Variants in NXPH4 observed in about 807,000 individuals in gnomAD.
NXPH4 encodes neurexophilin-4.
In NXPH4, 8 loss-of-function variants were observed where a neutral mutation model predicts 21.3. The observed-to-expected ratio is 0.38, with a 90% confidence interval of 0.22 to 0.68. NXPH4 has a LOEUF of 0.68. NXPH4 is among the 30% of genes least tolerant of loss of function. NXPH4 has a pLI of 0.53. For synonymous variants in NXPH4, 219 were observed against 192.6 expected (o/e 1.14, Z -1.13); for missense variants, 418 against 416.8 (o/e 1.00, Z -0.03).
chr12:57,220,623 G>A (rs111568571), intron 1 of NXPH4, among the ~76,000 whole-genome samples: 12 of 152,230 alleles, frequency 7.9e-5, no homozygotes, highest in African/African-American at 2.9e-4. Context: ...TGCAGTGGTA[G>A]GGTCTGGAAA....
chr12:57,225,618 C>A lies in NXPH4; in HGVS notation c.798C>A (p.Ala266=). The A allele has an allele frequency of 6.2e-7, 1 of 1,613,596 alleles. No individual in the cohort carries two copies. The highest frequency in any genetic ancestry group is 8.5e-7 in the Non-Finnish European group (1 of 1,179,954). Residue 266 remains alanine (A), a synonymous_variant, in exon 2 of 2, where the codon GCC becomes GCA. Transcript: ENST00000349394. ...VCFTEHTQSQ[A]AWLCAKPFKV... ...TCACCGAGCACACGCAGAGCCAGGCCGCCTGGCTCTGTGCCAAGCCCTTCA... is the reference window on the plus strand; with the variant it reads ...TCACCGAGCACACGCAGAGCCAGGCAGCCTGGCTCTGTGCCAAGCCCTTCA...
intron 1 of NXPH4, among the ~76,000 whole-genome samples, chr12:57,219,717 G>C (rs2037072319): frequency 8.0e-6 from 1 of 124,882 alleles, no homozygotes; most frequent in Admixed American, 8.0e-5. Flanking sequence ...GGCCGCAGCT[G>C]GGCCAGGGGG....
Position 57,225,969 on chromosome 12 carries a change from T to G in NXPH4, c.*222T>G. The stretch of plus-strand genomic sequence containing the variant: ...TAGCCCCCTCCAGTACACCCCAAAG[T>G]GAAAGGGATAAGAGTGCAGCCCCAG... On this transcript the variant is annotated 3_prime_UTR_variant, in exon 2 of 2. Transcript: ENST00000349394. 2 of 1,415,866 alleles carry G rather than the reference T, an allele frequency of 1.4e-6. No individual in the cohort carries two copies. The highest frequency in any genetic ancestry group is 1.8e-6 in the Non-Finnish European group (2 of 1,084,260). The allele number at this position is 1,415,866 out of a possible 1,614,324, so 87.7% of individuals were successfully genotyped here.
chr12:57,221,776 CA>C (rs1226028000), intron 1 of NXPH4, among the ~76,000 whole-genome samples: 1 of 152,196 alleles, frequency 6.6e-6, no homozygotes, highest in Non-Finnish European at 1.5e-5. Context: ...ATCCTGCTCC[CA>C]CCCTCAGCCA....
chr12:57,217,281 G>A (rs992991677), intron 1 of NXPH4, among the ~76,000 whole-genome samples: 1 of 152,216 alleles, frequency 6.6e-6, no homozygotes, highest in Non-Finnish European at 1.5e-5. Flanking sequence ...CGGGGGAGGG[G>A]ACGAAGCCCG....
chr12:57,223,280 G>T (rs181566525), intron 1 of NXPH4, among the ~76,000 whole-genome samples: 23 of 152,024 alleles, frequency 1.5e-4, no homozygotes, highest in African/African-American at 5.1e-4. Flanking sequence ...CCCTCAGACC[G>T]CTATACACAG....
At position 57,226,115 on chromosome 12, in the gene NXPH4, A is replaced by C. The variant is rs1592676319; in HGVS notation, c.*368A>C. ...CAGCTTTAATAACTCCTGGCCTGGC[A>C]CCCTCACCCCACCCTGACTTTCCCA... On this transcript the variant is annotated 3_prime_UTR_variant, in exon 2 of 2. Transcript: ENST00000349394. The C allele has an allele frequency of 2.2e-6, 1 of 460,670 alleles. No homozygotes were observed. The highest frequency in any genetic ancestry group is 6.4e-5 in the South Asian group (1 of 15,672). The allele number at this position is 460,670 out of a possible 1,614,324, so 28.5% of individuals were successfully genotyped here.
At chr12:57,219,871 C>CG (rs967846908) in intron 1 of NXPH4, 4 of 152,426 alleles carry the variant, frequency 2.6e-5, no homozygotes, top group African/African-American at 9.7e-5. Context: ...GACCCAGGAG[C>CG]GGGGTGACTG....
chr12:57,217,080 A>G (rs1250451191), intron 1 of NXPH4, 54 bp downstream of exon 1: 20 of 1,482,460 alleles, frequency 1.3e-5, no homozygotes, highest in Admixed American at 1.9e-5. Flanking sequence ...CGGGACGCGA[A>G]GGTCCCAGTG....
At chr12:57,224,696 C>A (rs1049198306) in intron 1 of NXPH4, among the ~76,000 whole-genome samples, 182 bp from the exon 2 acceptor site, 1 of 152,184 alleles carries the variant, frequency 6.6e-6, no homozygotes, top group Non-Finnish European at 1.5e-5. Flanking sequence ...GTGACTGGGC[C>A]AAGACTACAT....
chr12:57,217,065 G>A, intron 1 of NXPH4, 39 bp downstream of exon 1: 1 of 1,562,076 alleles, frequency 6.4e-7, no homozygotes, highest in South Asian at 1.2e-5. Context: ...GCGGGCGCGG[G>A]GTTCCGGGAC....
Position 57,225,958 on chromosome 12 carries a change from A to C in NXPH4, c.*211A>C. On this transcript the variant is annotated 3_prime_UTR_variant, in exon 2 of 2. Transcript: ENST00000349394. ...CAAGGCTGGGGTAGCCCCCTCCAGT[A>C]CACCCCAAAGTGAAAGGGATAAGAG... 7.0e-7 allele frequency: 1 copy of C among 1,426,214 alleles called. No homozygotes were observed. Among genetic ancestry groups the C allele is most frequent in the South Asian group, 1.5e-5 (1 of 66,452 alleles). The allele number at this position is 1,426,214 out of a possible 1,614,324, so 88.3% of individuals were successfully genotyped here.
Position 57,225,082 on chromosome 12 carries a change from G to T in NXPH4, c.262G>T (p.Ala88Ser). ...GGCAGGGGCAGCCGGGGCGTTGCCCGCGCAGCGCACCAAGAGGAAGCCGTC... is the reference window on the plus strand; with the variant it reads ...GGCAGGGGCAGCCGGGGCGTTGCCCTCGCAGCGCACCAAGAGGAAGCCGTC... ...ARAGAAGALP[A>S]QRTKRKPSIK... Residue 88 changes from alanine (A) to serine (S), a missense_variant, in exon 2 of 2, where the codon GCG becomes TCG. Coordinates refer to ENST00000349394, the MANE Select transcript of NXPH4 (RefSeq NM_007224.4). The T allele has an allele frequency of 6.8e-7, 1 of 1,480,532 alleles. No individual in the cohort carries two copies. The highest frequency in any genetic ancestry group is 9.0e-7 in the Non-Finnish European group (1 of 1,114,326). The allele number at this position is 1,480,532 out of a possible 1,614,324, so 91.7% of individuals were successfully genotyped here.
chr12:57,221,322 T>C (rs1382453127), intron 1 of NXPH4: 2 of 455,822 alleles, frequency 4.4e-6, no homozygotes, highest in Admixed American at 4.7e-5. Context: ...GCCTGGACTG[T>C]CCCTTCCTCC....
In NXPH4 at chr12:57,226,199, C is replaced by T; in HGVS notation, c.*452C>T. 1 of 400,700 alleles carries T rather than the reference C, an allele frequency of 2.5e-6. No homozygotes were observed. Among genetic ancestry groups the T allele is most frequent in the East Asian group, 3.6e-5 (1 of 28,034 alleles). 24.8% of individuals were successfully genotyped at this position (400,700 alleles called of 1,614,324 possible). ...GCCTAAGACTGTAAAGGCCTAAAAA[C>T]CTCGGCCTGTCCTCCCACCATTCTG... is the stretch of plus-strand genomic sequence containing the variant. On this transcript the variant is annotated 3_prime_UTR_variant, in exon 2 of 2. Transcript: ENST00000349394.
intron 1 of NXPH4, among the ~76,000 whole-genome samples, chr12:57,222,524 C>G (rs1006722377): frequency 3.9e-5 from 6 of 152,002 alleles, no homozygotes; most frequent in African/African-American, 1.2e-4. Flanking sequence ...ATAGGGGGGA[C>G]CTGGATGACT....
chr12:57,224,424 C>T (rs542576381), intron 1 of NXPH4, among the ~76,000 whole-genome samples: 1 of 152,274 alleles, frequency 6.6e-6, no homozygotes, highest in East Asian at 1.9e-4. Flanking sequence ...GTGTGCCGGG[C>T]GGGAGCCTCT....
In NXPH4 at chr12:57,225,894, A is replaced by T; in HGVS notation, c.*147A>T. On this transcript the variant is annotated 3_prime_UTR_variant, in exon 2 of 2. Transcript: ENST00000349394. ...AGGGGAATGGCTTCTCGGGACCCTC[A>T]GCTAGCGTGGGTGCCCTTTTCCTTA... is the stretch of plus-strand genomic sequence containing the variant. The T allele has an allele frequency of 6.9e-7, 1 of 1,446,304 alleles. No individual in the cohort carries two copies. 89.6% of individuals were successfully genotyped at this position (1,446,304 alleles called of 1,614,324 possible). A position where few individuals can be genotyped will look rare whatever the true frequency, so the allele number is the denominator to read the frequency against.
rs764428343 is a variant in NXPH4, at chr12:57,224,943, C to T, written c.123C>T (p.Ala41=). ...ACCTGGGGCTGCGCCCCGCCGCGGCCGGAGCGGGTGCCCCCGGCCAGCAGC... is the reference window on the plus strand; with the variant it reads ...ACCTGGGGCTGCGCCCCGCCGCGGCTGGAGCGGGTGCCCCCGGCCAGCAGC... ...PQYLGLRPAA[A]GAGAPGQQLP... Residue 41 remains alanine, a synonymous_variant, in exon 2 of 2, where the codon GCC becomes GCT. Coordinates refer to ENST00000349394, the MANE Select transcript of NXPH4 (RefSeq NM_007224.4). The T allele has an allele frequency of 2.2e-6, 3 of 1,390,884 alleles. No homozygotes were observed. The highest frequency in any genetic ancestry group is 1.7e-5 in the South Asian group (1 of 60,300). The allele number at this position is 1,390,884 out of a possible 1,614,324, so 86.2% of individuals were successfully genotyped here.
Sources: allele counts gnomAD v4.1 joint callset (sites outside exome capture counted in the v4.1 genomes callset), GRCh38; gene constraint gnomAD v4.1.1; transcripts MANE v1.5; gene names NCBI Gene and HGNC (gene_info 2026-07-23, HGNC 2026-07-21).